NR3C2: variants seen among roughly 807,000 people sequenced by gnomAD.
NR3C2 encodes nuclear receptor subfamily 3 group C member 2, also known as mineralocorticoid receptor.
Under a neutral mutation model 86.4 loss-of-function variants are expected in NR3C2, and 15 were observed. The observed-to-expected ratio is 0.17, with a 90% CI of 0.12 to 0.27. The LOEUF (loss-of-function observed/expected upper bound fraction) is 0.27, where lower values mean the gene tolerates loss of function less well. NR3C2 is among the 10% of genes least tolerant of loss of function. The pLI is 1.00. For synonymous variants in NR3C2, 458 were observed against 450.5 expected (o/e 1.02, Z -0.21); for missense variants, 960 against 1,195.6 (o/e 0.80, Z 2.91).
chr4:148,181,658 C>CCA (rs1325102154), intron 4 of NR3C2, among the ~76,000 whole-genome samples: 1 of 152,202 alleles, frequency 6.6e-6, no homozygotes, highest in African/African-American at 2.4e-5. Flanking sequence ...GTACAGAGAG[C>CCA]CACGGGGCTT....
At chr4:148,235,293 C>A (rs999624151) in intron 3 of NR3C2, among the ~76,000 whole-genome samples, 5 of 126,090 alleles carry the variant, frequency 4.0e-5, no homozygotes, top group Non-Finnish European at 5.6e-5. Context: ...TTTAAGATTC[C>A]TATCTCTTAC....
At chr4:148,441,812 T>C (rs982967418) in intron 1 of NR3C2, among the ~76,000 whole-genome samples, 2 of 152,172 alleles carry the variant, frequency 1.3e-5, no homozygotes, top group Non-Finnish European at 2.9e-5. Flanking sequence ...CCGCAATTGA[T>C]AAAGGAAAGA....
intron 8 of NR3C2, among the ~76,000 whole-genome samples, chr4:148,092,048 G>C (rs1029809800): frequency 6.6e-6 from 1 of 152,268 alleles, no homozygotes; most frequent in South Asian, 2.1e-4. Context: ...ATGACTGTGG[G>C]CACAGCTCTC....
chr4:148,103,921 G>A lies in NR3C2; in HGVS notation c.2799+10183C>T, dbSNP rs142698643. Among the ~76,000 whole-genome samples, 916 of 152,178 alleles carry A rather than the reference G, an allele frequency of 6.0e-3. 8 individuals are homozygous for A. Among genetic ancestry groups the A allele is most frequent in the African/African-American group, 0.021 (862 of 41,508 alleles). ...CATCTAGGCCATGCTTTTCCTTCAC[G>A]CTGAAATCACATTTTCACCTATTAT... is the stretch of plus-strand genomic sequence containing the variant. On this transcript the variant is annotated intron_variant, in intron 8 of 8. Transcript: ENST00000358102.
At chr4:148,418,007 A>C (rs1749094921) in intron 2 of NR3C2, among the ~76,000 whole-genome samples, 1 of 152,184 alleles carries the variant, frequency 6.6e-6, no homozygotes. Context: ...ACAGGGCATG[A>C]TCAGTTTTGA....
At chr4:148,150,751 C>A (rs967952022) in intron 6 of NR3C2, among the ~76,000 whole-genome samples, 3 of 152,136 alleles carry the variant, frequency 2.0e-5, no homozygotes, top group African/African-American at 7.2e-5. Flanking sequence ...CAAATAAATG[C>A]AGTCAGTAAG....
chr4:148,311,633 T>A (rs1255478591), intron 2 of NR3C2, among the ~76,000 whole-genome samples: 3 of 152,192 alleles, frequency 2.0e-5, no homozygotes, highest in Non-Finnish European at 2.9e-5. Flanking sequence ...GCCAGAGTAA[T>A]CTTGAGACAT....
intron 6 of NR3C2, among the ~76,000 whole-genome samples, chr4:148,124,235 AAAACC>A (rs56820575): frequency 0.52 from 78,765 of 150,772 alleles, 20,691 homozygotes; most frequent in East Asian, 0.71. Flanking sequence ...ACTCCATCCC[AAAACC>A]AAACCAAACC....
chr4:148,435,435 G>T lies in NR3C2; in HGVS notation c.1426C>A (p.Pro476Thr). 1 of 1,614,144 alleles carries T rather than the reference G, an allele frequency of 6.2e-7. No homozygotes were observed. The highest frequency in any genetic ancestry group is 8.5e-7 in the Non-Finnish European group (1 of 1,180,038). ...CAGTTACCATCAAAGCCGGGCACAG[G>T]TGGTCCTAAAATTCCTGATAGGGAA... The part of the protein sequence containing the change: ...YYSLSGILGP[P>T]VPGFDGNCEG... Residue 476 changes from proline (P) to threonine (T), a missense_variant, in exon 2 of 9, where the codon CCT (proline) becomes ACT (threonine). Pro to Thr is a conservative substitution (Grantham distance 38). Transcript: ENST00000358102.
intron 2 of NR3C2, among the ~76,000 whole-genome samples, chr4:148,359,632 C>T (rs947029446): frequency 1.6e-4 from 25 of 152,260 alleles, no homozygotes; most frequent in African/African-American, 5.8e-4. Context: ...AAAAAAGGGG[C>T]TATGGTGGTA....
intron 4 of NR3C2, among the ~76,000 whole-genome samples, chr4:148,157,343 C>T (rs1478827697): frequency 2.0e-5 from 3 of 151,956 alleles, no homozygotes; most frequent in Admixed American, 1.3e-4. Context: ...TTATTGAATG[C>T]TTACTAATGC....
chr4:148,103,453 T>TTC, intron 8 of NR3C2, among the ~76,000 whole-genome samples: 1 of 152,228 alleles, frequency 6.6e-6, no homozygotes, highest in East Asian at 1.9e-4. Context: ...AGGCCCTCCC[T>TTC]CCGGGAAGCA....
chr4:148,165,042 C>T (rs1734820148), intron 4 of NR3C2, among the ~76,000 whole-genome samples: 1 of 152,140 alleles, frequency 6.6e-6, no homozygotes, highest in South Asian at 2.1e-4. Flanking sequence ...AAAATAAGAG[C>T]TTACCAAACA....
intron 2 of NR3C2, among the ~76,000 whole-genome samples, chr4:148,265,194 G>A (rs1258046059): frequency 6.6e-6 from 1 of 152,088 alleles, no homozygotes; most frequent in African/African-American, 2.4e-5. Context: ...ACACAAGCAA[G>A]CTGCAACTAT....
intron 6 of NR3C2, among the ~76,000 whole-genome samples, chr4:148,148,562 C>A (rs1051400675): frequency 1.3e-5 from 2 of 152,202 alleles, no homozygotes; most frequent in Admixed American, 6.5e-5. Context: ...TCCAGCCACA[C>A]TGTCTTGCTC....
At chr4:148,247,772 T>A (rs1329318714) in intron 3 of NR3C2, among the ~76,000 whole-genome samples, 1 of 151,916 alleles carries the variant, frequency 6.6e-6, no homozygotes, top group Non-Finnish European at 1.5e-5. Context: ...TCCATTTCCA[T>A]TTCCGGTTAC....
intron 1 of NR3C2, among the ~76,000 whole-genome samples, chr4:148,437,311 G>GGAGT (rs1486151656): frequency 6.6e-6 from 1 of 152,118 alleles, no homozygotes; most frequent in Non-Finnish European, 1.5e-5. Flanking sequence ...CAATGCCTTT[G>GGAGT]GAGTCTTTGG....
chr4:148,184,465 A>G (rs1382487624), intron 4 of NR3C2, among the ~76,000 whole-genome samples: 2 of 152,084 alleles, frequency 1.3e-5, no homozygotes, highest in African/African-American at 4.8e-5. Flanking sequence ...AAAAGAAAAA[A>G]AAAAGAATGA....
intron 8 of NR3C2, among the ~76,000 whole-genome samples, chr4:148,105,530 G>C (rs893404023): frequency 6.6e-5 from 10 of 152,114 alleles, no homozygotes; most frequent in African/African-American, 2.2e-4. Context: ...ATTTTTATGA[G>C]GCCAGCATCA....
Sources: allele counts gnomAD v4.1 joint callset (sites outside exome capture counted in the v4.1 genomes callset), GRCh38; gene constraint gnomAD v4.1.1; transcripts MANE v1.5; gene names NCBI Gene and HGNC (gene_info 2026-07-23, HGNC 2026-07-21).